PSMD14: variants seen among roughly 807,000 people sequenced by gnomAD.
The protein encoded by PSMD14 is proteasome 26S subunit, non-ATPase 14.
A neutral mutation model predicts 41.2 loss-of-function variants in PSMD14; 7 were observed. The observed-to-expected ratio is 0.17, with a 90% CI of 0.10 to 0.32. The LOEUF (loss-of-function observed/expected upper bound fraction) is 0.32, where lower values mean the gene tolerates loss of function less well. Ranked by LOEUF, PSMD14 falls within the 10% of genes least tolerant of loss-of-function variation. PSMD14 has a pLI of 1.00. For missense variants in PSMD14, 139 were observed against 375.6 expected (o/e 0.37, Z 5.21); for synonymous variants, 114 against 122.3 (o/e 0.93, Z 0.45).
rs185281735 is a variant in PSMD14 at position 161,395,739 on chromosome 2, A to G, written c.771+536A>G. 7.2e-5 allele frequency among the ~76,000 whole-genome samples: 11 copies of G among 152,354 alleles called. No homozygotes were observed. In the East Asian group the frequency reaches 2.1e-3, roughly 29 times the overall value. The stretch of plus-strand genomic sequence containing the variant: ...ACCTACAATTTTAAAATACACATTT[A>G]TACATTATGCAGTGTTATATTAACA... On this transcript the variant is annotated intron_variant, in intron 10 of 11. Transcript: ENST00000409682.
intron 1 of PSMD14, among the ~76,000 whole-genome samples, chr2:161,312,379 A>G (rs1689098613): frequency 6.6e-6 from 1 of 151,882 alleles, no homozygotes; most frequent in Non-Finnish European, 1.5e-5. Context: ...CCTGACCTCA[A>G]GTGATCTGCC....
chr2:161,335,740 G>A (rs796462949), intron 3 of PSMD14, among the ~76,000 whole-genome samples: 82 of 152,296 alleles, frequency 5.4e-4, no homozygotes, highest in African/African-American at 1.7e-3. Flanking sequence ...TCCTAGGAGT[G>A]GAATTACTGT....
Position 161,411,715 on chromosome 2 carries a change from C to G in PSMD14, c.*315C>G, listed in dbSNP as rs1490631179. 1 of 162,420 alleles carries G rather than the reference C, an allele frequency of 6.2e-6. No individual in the cohort carries two copies. The highest frequency in any genetic ancestry group is 2.4e-5 in the African/African-American group (1 of 41,872). The allele number at this position is 162,420 out of a possible 1,614,324, so 10.1% of individuals were successfully genotyped here. Reference sequence around the variant, plus strand: ...TTACAAAATAAAATACATTTACAGTCTATGCCTCCTGAGATCTTTTTGGCA... The same window carrying G: ...TTACAAAATAAAATACATTTACAGTGTATGCCTCCTGAGATCTTTTTGGCA... On this transcript the variant is annotated 3_prime_UTR_variant, in exon 12 of 12. Transcript: ENST00000409682.
At chr2:161,349,735 G>C (rs1683093080) in intron 3 of PSMD14, among the ~76,000 whole-genome samples, 1 of 152,198 alleles carries the variant, frequency 6.6e-6, no homozygotes, top group Non-Finnish European at 1.5e-5. Flanking sequence ...GCTGAGGTGT[G>C]CTCCTCAGAG....
chr2:161,323,517 C>A (rs1399823261), intron 3 of PSMD14, among the ~76,000 whole-genome samples: 1 of 152,000 alleles, frequency 6.6e-6, no homozygotes, highest in African/African-American at 2.4e-5. Flanking sequence ...ACAAAAATCA[C>A]CTGGGTGTCG....
At chr2:161,343,848 T>C (rs373448802) in intron 3 of PSMD14, among the ~76,000 whole-genome samples, 4 of 151,556 alleles carry the variant, frequency 2.6e-5, no homozygotes, top group South Asian at 2.1e-4. Flanking sequence ...AAAAATGTCT[T>C]TGAGTCTCTG....
intron 3 of PSMD14, among the ~76,000 whole-genome samples, chr2:161,364,756 G>A (rs1363332488): frequency 6.6e-6 from 1 of 152,026 alleles, no homozygotes; most frequent in Non-Finnish European, 1.5e-5. Flanking sequence ...ACCTTCTCTA[G>A]TTCTTGCCCA....
intron 10 of PSMD14, among the ~76,000 whole-genome samples, chr2:161,398,390 C>A (rs1683830693): frequency 6.6e-6 from 1 of 152,042 alleles, no homozygotes; most frequent in African/African-American, 2.4e-5. Context: ...ATTCTTACGT[C>A]CCAAGTTTTC....
chr2:161,351,989 C>G (rs1340061136), intron 3 of PSMD14, among the ~76,000 whole-genome samples: 3 of 152,168 alleles, frequency 2.0e-5, no homozygotes, highest in Admixed American at 2.0e-4. Context: ...TGATTAGTCT[C>G]TCTACTTCAT....
chr2:161,318,916 C>G (rs748596420), intron 3 of PSMD14, 43 bp downstream of exon 3: 10 of 1,526,956 alleles, frequency 6.5e-6, no homozygotes, highest in African/African-American at 1.4e-5. Context: ...GTGTAAACTA[C>G]AAGCCTTTTT....
chr2:161,347,581 T>C (rs1431061131), intron 3 of PSMD14, among the ~76,000 whole-genome samples: 1 of 152,226 alleles, frequency 6.6e-6, no homozygotes, highest in Non-Finnish European at 1.5e-5. Context: ...GAAACCAGAT[T>C]AACAGAAAGT....
At chr2:161,398,291 C>A (rs1683828390) in intron 10 of PSMD14, among the ~76,000 whole-genome samples, 2 of 151,980 alleles carry the variant, frequency 1.3e-5, no homozygotes. Context: ...TCATAGTATT[C>A]TTTTTAATTG....
chr2:161,399,064 T>A (rs1232343273), intron 10 of PSMD14, among the ~76,000 whole-genome samples: 2 of 152,112 alleles, frequency 1.3e-5, no homozygotes, highest in Non-Finnish European at 2.9e-5. Context: ...CAGTTCACAG[T>A]ACCATCTAAA....
At chr2:161,309,806 G>A (rs111249224) in intron 1 of PSMD14, among the ~76,000 whole-genome samples, 3 of 151,984 alleles carry the variant, frequency 2.0e-5, no homozygotes, top group Non-Finnish European at 4.4e-5. Context: ...GACTTTGGGA[G>A]TTTTTGGTTT....
At chr2:161,368,265 C>T (rs1167806419) in intron 5 of PSMD14, among the ~76,000 whole-genome samples, 1 of 152,042 alleles carries the variant, frequency 6.6e-6, no homozygotes, top group Non-Finnish European at 1.5e-5. Flanking sequence ...AGATTTTCAA[C>T]TCACATATAC....
intron 3 of PSMD14, among the ~76,000 whole-genome samples, chr2:161,339,692 C>G (rs1200469636): frequency 3.7e-4 from 56 of 152,192 alleles, no homozygotes; most frequent in Non-Finnish European, 4.3e-4. Context: ...AGATCCCAGC[C>G]TGGACAAGGG....
At chr2:161,406,954 CT>C (rs1683955626) in intron 10 of PSMD14, among the ~76,000 whole-genome samples, 1 of 152,074 alleles carries the variant, frequency 6.6e-6, no homozygotes, top group Admixed American at 6.6e-5. Flanking sequence ...TATCTACCAT[CT>C]TTGTTGTTTG....
chr2:161,391,791 G>A (rs1362696314), intron 9 of PSMD14, among the ~76,000 whole-genome samples: 1 of 152,028 alleles, frequency 6.6e-6, no homozygotes, highest in Non-Finnish European at 1.5e-5. Context: ...TAGAAACGGA[G>A]TCTTGCTTTG....
rs1162637393 is a variant in PSMD14 at position 161,389,889 on chromosome 2, G to GTTTTTTTT, written c.571-1199_571-1192dup. On this transcript the variant is annotated intron_variant, in intron 8 of 11. Coordinates refer to ENST00000409682, the MANE Select transcript of PSMD14 (RefSeq NM_005805.6). ...TGTCTTATTTTCTTTCTTTTTTGTT[G>GTTTTTTTT]TTTTTTTTTTTTTTTTTTTTTTTAG... Among the ~76,000 whole-genome samples the GTTTTTTTT allele has an allele frequency of 5.5e-4, 11 of 20,050 alleles. 2 individuals carry two copies. Among genetic ancestry groups the GTTTTTTTT allele is most frequent in the African/African-American group, 1.4e-3 (9 of 6,558 alleles). 13.2% of individuals were successfully genotyped at this position (20,050 alleles called of 152,430 possible).
Sources: gnomAD v4.1 joint callset for allele counts (sites outside exome capture counted in the v4.1 genomes callset) on GRCh38, gnomAD v4.1.1 for gene constraint, MANE v1.5 for transcripts, NCBI Gene and HGNC (gene_info 2026-07-23, HGNC 2026-07-21) for gene names.